The following RNF130 variants were observed in gnomAD, a reference collection of about 807,000 sequenced individuals.
RNF130 encodes E3 ubiquitin-protein ligase RNF130.
RNF130 carries 21 observed loss-of-function variants against 44.6 expected under a neutral mutation model. That is an observed-to-expected ratio of 0.47 (90% confidence interval 0.33 to 0.68). RNF130 has a LOEUF of 0.68. Ranked by LOEUF, RNF130 falls within the 30% of genes least tolerant of loss-of-function variation. The probability of loss-of-function intolerance (pLI) is 0.02; values close to 1 mark genes in which losing one functional copy is unlikely to be tolerated. For missense variants in RNF130, 479 were observed against 560.6 expected, an observed-to-expected ratio of 0.85 and a Z score of 1.47; for synonymous variants, 214 against 210.4, an observed-to-expected ratio of 1.02 and a Z score of -0.15.
At chr5:179,968,326 C>A (rs6884272) in intron 6 of RNF130, among the ~76,000 whole-genome samples, 87,570 of 147,924 alleles carry the variant, frequency 0.59, 25,578 homozygotes, top group Middle Eastern at 0.79. Flanking sequence ...AAAAAGAAGG[C>A]GGCGGCTAGC....
At chr5:179,996,161 C>T (rs942100972) in intron 3 of RNF130, among the ~76,000 whole-genome samples, 2 of 152,162 alleles carry the variant, frequency 1.3e-5, no homozygotes, top group Non-Finnish European at 2.9e-5. Flanking sequence ...TCCTTGCAGA[C>T]GTTTCACCTC....
At chr5:179,983,163 G>A (rs1010254578) in intron 3 of RNF130, among the ~76,000 whole-genome samples, 1 of 152,014 alleles carries the variant, frequency 6.6e-6, no homozygotes. Flanking sequence ...TGATGAAGTC[G>A]ATTAATCATT....
intron 7 of RNF130, chr5:179,939,751 AC>A: frequency 2.3e-6 from 1 of 439,928 alleles, no homozygotes; most frequent in Non-Finnish European, 4.5e-6. Flanking sequence ...GAGAAAAACG[AC>A]CCCCTCCCTT....
At chr5:180,065,153 T>C (rs1582234824) in intron 1 of RNF130, among the ~76,000 whole-genome samples, 1 of 152,058 alleles carries the variant, frequency 6.6e-6, no homozygotes, top group Non-Finnish European at 1.5e-5. Flanking sequence ...AAAAAAATCT[T>C]GCAAAGACCT....
chr5:179,945,208 G>A (rs1010651996), intron 7 of RNF130, among the ~76,000 whole-genome samples: 19 of 152,114 alleles, frequency 1.2e-4, no homozygotes, highest in African/African-American at 1.9e-4. Context: ...AGGAGTTCTC[G>A]CCCACACCTG....
intron 7 of RNF130, among the ~76,000 whole-genome samples, chr5:179,965,695 A>G (rs768067326): frequency 6.6e-6 from 1 of 152,214 alleles, no homozygotes; most frequent in Non-Finnish European, 1.5e-5. Flanking sequence ...GAATCGAGAG[A>G]TGGTGAGAAA....
At chr5:180,001,961 T>A (rs1764355678) in intron 3 of RNF130, among the ~76,000 whole-genome samples, 2 of 152,202 alleles carry the variant, frequency 1.3e-5, no homozygotes, top group South Asian at 4.1e-4. Context: ...TATCAGCTCA[T>A]CCCTGGCATG....
intron 3 of RNF130, among the ~76,000 whole-genome samples, chr5:180,003,195 C>T (rs1490451604): frequency 1.3e-5 from 2 of 152,052 alleles, no homozygotes; most frequent in African/African-American, 4.8e-5. Context: ...ACCGACAGAA[C>T]CTCATGACTG....
intron 2 of RNF130, among the ~76,000 whole-genome samples, chr5:180,023,221 A>T (rs1763911745): frequency 6.6e-6 from 1 of 152,240 alleles, no homozygotes; most frequent in Admixed American, 6.5e-5. Flanking sequence ...ATGATTACAG[A>T]TAGAAATATT....
At chr5:179,927,753 AT>A (rs544173154) in intron 7 of RNF130, among the ~76,000 whole-genome samples, 24 of 148,286 alleles carry the variant, frequency 1.6e-4, no homozygotes, top group Non-Finnish European at 2.7e-4. Flanking sequence ...CGCCTGGCTA[AT>A]TTTTTTTTTG....
intron 7 of RNF130, among the ~76,000 whole-genome samples, chr5:179,928,705 T>C (rs2113674430): frequency 6.6e-6 from 1 of 151,542 alleles, no homozygotes; most frequent in South Asian, 2.1e-4. Context: ...CTCGGCTCAC[T>C]GCAAGCCCCG....
chr5:180,003,425 C>T (rs2113063982), intron 3 of RNF130, among the ~76,000 whole-genome samples: 1 of 152,288 alleles, frequency 6.6e-6, no homozygotes, highest in Admixed American at 6.5e-5. Flanking sequence ...TCATATTTTC[C>T]ACCTCTGAAC....
intron 1 of RNF130, among the ~76,000 whole-genome samples, chr5:180,045,533 C>T (rs942110727): frequency 6.6e-6 from 1 of 152,214 alleles, no homozygotes; most frequent in African/African-American, 2.4e-5. Flanking sequence ...TGGACCTCTG[C>T]ACGTTGCCGC....
chr5:179,930,535 C>A (rs1761794814), intron 7 of RNF130, among the ~76,000 whole-genome samples: 1 of 152,072 alleles, frequency 6.6e-6, no homozygotes, highest in Non-Finnish European at 1.5e-5. Context: ...CCTTTTATTT[C>A]TTTTTCTTGC....
intron 3 of RNF130, among the ~76,000 whole-genome samples, chr5:179,983,220 C>T (rs1320558010): frequency 2.0e-5 from 3 of 152,014 alleles, no homozygotes; most frequent in Non-Finnish European, 2.9e-5. Flanking sequence ...GGAAGCTTTG[C>T]CTATTTCAAG....
At chr5:179,986,949 A>G (rs1038885920) in intron 3 of RNF130, among the ~76,000 whole-genome samples, 1 of 152,076 alleles carries the variant, frequency 6.6e-6, no homozygotes, top group Non-Finnish European at 1.5e-5. Flanking sequence ...TTTCCTTATT[A>G]CCCAGTTTGT....
Position 179,928,177 on chromosome 5 carries a change from C to T in RNF130, c.1151-7751G>A, listed in dbSNP as rs552159612. Among the ~76,000 whole-genome samples, 29 of 152,196 alleles carry T rather than the reference C, an allele frequency of 1.9e-4. No homozygotes were observed. The South Asian group carries it at 5.6e-3, about 29-fold the overall frequency. On this transcript the variant is annotated intron_variant, in intron 7 of 7. Coordinates refer to the RNF130 transcript ENST00000522208. The stretch of plus-strand genomic sequence containing the variant: ...TTGTTTCTGTGAGTTATCTTTTGTA[C>T]ACATGGACATGCCTTTCCCTCGGAT...
chr5:180,031,494 A>T (rs1764129814), intron 2 of RNF130, among the ~76,000 whole-genome samples: 1 of 152,188 alleles, frequency 6.6e-6, no homozygotes, highest in African/African-American at 2.4e-5. Context: ...TCTCAAAAAA[A>T]AAAGTTAAAT....
At chr5:179,970,548 G>T in intron 5 of RNF130, 42 bp from the exon 6 acceptor site, 2 of 1,481,816 alleles carry the variant, frequency 1.3e-6, no homozygotes, top group Non-Finnish European at 1.9e-6. Flanking sequence ...TACATACCAA[G>T]AAACTTATTA....
Sources: gnomAD v4.1 joint callset for allele counts (sites outside exome capture counted in the v4.1 genomes callset) on GRCh38, gnomAD v4.1.1 for gene constraint, MANE v1.5 for transcripts, NCBI Gene and HGNC (gene_info 2026-07-23, HGNC 2026-07-21) for gene names.